The following NXPE2 variants were observed in gnomAD, a reference collection of about 807,000 sequenced individuals.
The protein encoded by NXPE2 is NXPE family member 2.
In NXPE2, 34 loss-of-function variants were observed where a neutral mutation model predicts 34.4. The ratio of observed to expected loss-of-function variants is 0.99; its 90% CI spans 0.75 to 1.31. The LOEUF (loss-of-function observed/expected upper bound fraction) is 1.31. Among genes scored for constraint, NXPE2 ranks in the 40% most tolerant of loss-of-function variants. NXPE2 has a pLI of 0.00. For missense variants in NXPE2, 649 were observed against 672.5 expected (o/e 0.97, Z 0.39); for synonymous variants, 235 against 231.3 (o/e 1.02, Z -0.15).
the NXPE2 span, among the ~76,000 whole-genome samples, chr11:114,739,349 TC>T: frequency 2.8e-5 from 2 of 72,100 alleles, no homozygotes; most frequent in African/African-American, 1.1e-4. Context: ...CCCCCCTTCC[TC>T]TCTCCCTCCC....
At chr11:114,651,609 T>C in the NXPE2 span, among the ~76,000 whole-genome samples, 2 of 152,190 alleles carry the variant, frequency 1.3e-5, no homozygotes, top group Non-Finnish European at 2.9e-5. Context: ...TACTGATTGG[T>C]CCATTTTACA....
the NXPE2 span, among the ~76,000 whole-genome samples, chr11:114,620,803 CAGGGGAACCACT>C: frequency 3.3e-5 from 5 of 151,888 alleles, no homozygotes; most frequent in Non-Finnish European, 5.9e-5. Flanking sequence ...AGTGTTGCCT[CAGGGGAACCACT>C]GTTACCCTGT....
At chr11:114,653,779 C>T in the NXPE2 span, among the ~76,000 whole-genome samples, 1 of 152,006 alleles carries the variant, frequency 6.6e-6, no homozygotes, top group South Asian at 2.1e-4. Flanking sequence ...CTGCCCATCT[C>T]GGCCTCCCAA....
the NXPE2 span, among the ~76,000 whole-genome samples, chr11:114,557,634 CATATATATATATATATATATATAT>C: frequency 2.3e-5 from 3 of 128,452 alleles, no homozygotes; most frequent in Admixed American, 8.4e-5. Flanking sequence ...ATATATAATA[CATATATATATATATATATATATAT>C]ATATATATAT....
chr11:114,798,573 G>A, the NXPE2 span, among the ~76,000 whole-genome samples: 5 of 152,116 alleles, frequency 3.3e-5, no homozygotes, highest in African/African-American at 4.8e-5. Context: ...TAGTACAGAC[G>A]GGGTTTCACC....
the NXPE2 span, among the ~76,000 whole-genome samples, chr11:114,802,290 T>G: frequency 6.6e-6 from 1 of 152,226 alleles, no homozygotes; most frequent in Non-Finnish European, 1.5e-5. Flanking sequence ...CCGTCAATCT[T>G]TCAACTCAGT....
the NXPE2 span, among the ~76,000 whole-genome samples, chr11:114,468,464 G>T: frequency 6.6e-6 from 1 of 152,202 alleles, no homozygotes; most frequent in Non-Finnish European, 1.5e-5. Context: ...CATAATAATT[G>T]CCACAGAACA....
the NXPE2 span, among the ~76,000 whole-genome samples, chr11:114,774,869 G>C: frequency 1.3e-5 from 2 of 152,222 alleles, no homozygotes; most frequent in East Asian, 3.8e-4. Flanking sequence ...CAGGGACCTT[G>C]ACTGTGTCTA....
chr11:114,714,089 G>A, the NXPE2 span, among the ~76,000 whole-genome samples: 5 of 152,316 alleles, frequency 3.3e-5, no homozygotes, highest in Non-Finnish European at 5.9e-5. Context: ...TTGTATAACA[G>A]TATCATTTGA....
At chr11:114,745,431 C>T in the NXPE2 span, among the ~76,000 whole-genome samples, 1 of 152,180 alleles carries the variant, frequency 6.6e-6, no homozygotes, top group Non-Finnish European at 1.5e-5. Context: ...AGAACTTATT[C>T]ACTGCTGCAA....
the NXPE2 span, among the ~76,000 whole-genome samples, chr11:114,542,208 T>A: frequency 6.6e-6 from 1 of 152,200 alleles, no homozygotes; most frequent in African/African-American, 2.4e-5. Context: ...AACATCAATA[T>A]TTTGTCAAAA....
At chr11:114,583,669 G>C in the NXPE2 span, 1 of 584,390 alleles carries the variant, frequency 1.7e-6, no homozygotes, top group Non-Finnish European at 3.4e-6. Context: ...CTGGAGGCCT[G>C]CACCATGCAA....
At chr11:114,781,996 A>G in the NXPE2 span, among the ~76,000 whole-genome samples, 1 of 152,250 alleles carries the variant, frequency 6.6e-6, no homozygotes, top group African/African-American at 2.4e-5. Context: ...TCCGTGGTGG[A>G]TTGGTTCCAG....
chr11:114,580,451 G>T, the NXPE2 span: 1 of 804,738 alleles, frequency 1.2e-6, no homozygotes, highest in South Asian at 1.6e-5. Flanking sequence ...TGGTGGTAAT[G>T]GTGGAAAAAG....
At chr11:114,540,246 A>T in the NXPE2 span, among the ~76,000 whole-genome samples, 3 of 152,164 alleles carry the variant, frequency 2.0e-5, no homozygotes, top group African/African-American at 4.8e-5. Context: ...GTGAGCCACC[A>T]TGCCCGGCCA....
At chr11:114,618,415 G>A in the NXPE2 span, among the ~76,000 whole-genome samples, 1 of 151,992 alleles carries the variant, frequency 6.6e-6, no homozygotes, top group Non-Finnish European at 1.5e-5. Context: ...TTGCCTCATG[G>A]GTAACCACTG....
the NXPE2 span, among the ~76,000 whole-genome samples, chr11:114,496,158 C>T: frequency 6.6e-6 from 1 of 152,130 alleles, no homozygotes; most frequent in African/African-American, 2.4e-5. Flanking sequence ...AGCTTTTTAG[C>T]CCATGGTGGT....
chr11:114,687,050 C>T (rs1353977155), intron 2 of NXPE2, among the ~76,000 whole-genome samples: 1 of 152,070 alleles, frequency 6.6e-6, no homozygotes, highest in Non-Finnish European at 1.5e-5. Flanking sequence ...ATATTTTCTA[C>T]CATTCTGTAG....
chr11:114,664,778 C>T, the NXPE2 span, among the ~76,000 whole-genome samples: 1 of 152,130 alleles, frequency 6.6e-6, no homozygotes, highest in African/African-American at 2.4e-5. Flanking sequence ...CTGTAGGATA[C>T]TCTCTTGGGA....
Sources: allele counts gnomAD v4.1 joint callset (sites outside exome capture counted in the v4.1 genomes callset), GRCh38; gene constraint gnomAD v4.1.1; transcripts MANE v1.5; gene names NCBI Gene and HGNC (gene_info 2026-07-23, HGNC 2026-07-21).